UGGT2: variants seen among roughly 807,000 people sequenced by gnomAD.
UGGT2 encodes the protein UDP-glucose glycoprotein glucosyltransferase 2, also known as UDP-glucose:glycoprotein glucosyltransferase 2.
A neutral mutation model predicts 192.1 loss-of-function variants in UGGT2; 180 were observed. The observed-to-expected ratio is 0.94, with a 90% confidence interval of 0.83 to 1.06. UGGT2 has a LOEUF of 1.06. Among genes scored for constraint, UGGT2 ranks in the 50% least tolerant of loss-of-function variants. The pLI is 0.00. For missense variants in UGGT2, 1,849 were observed against 1,795.7 expected, an observed-to-expected ratio of 1.03 and a Z score of -0.54; for synonymous variants, 580 against 591.0, an observed-to-expected ratio of 0.98 and a Z score of 0.27.
At chr13:96,033,680 T>C (rs1351661566) in intron 1 of UGGT2, among the ~76,000 whole-genome samples, 2 of 152,194 alleles carry the variant, frequency 1.3e-5, no homozygotes, top group African/African-American at 4.8e-5. Flanking sequence ...CGGAGCAAAG[T>C]TGCACCTGAG....
chr13:95,846,285 C>A lies in UGGT2; in HGVS notation c.4284+7258G>T, dbSNP rs999555398. On this transcript the variant is annotated intron_variant, in intron 36 of 38. Coordinates refer to ENST00000376747, the MANE Select transcript of UGGT2 (RefSeq NM_020121.4). ...CAAAAAAATATGAAAACCAGTCAGG[C>A]GTGGCAGCGCGCGCCTGCAATCCCA... Among the ~76,000 whole-genome samples, 4 of 152,234 alleles carry A rather than the reference C, an allele frequency of 2.6e-5. No individual in the cohort carries two copies. The East Asian group carries it at 7.8e-4, about 30-fold the overall frequency.
chr13:95,985,360 C>A, intron 9 of UGGT2: 1 of 1,056,806 alleles, frequency 9.5e-7, no homozygotes, highest in Non-Finnish European at 1.3e-6. Context: ...AAACAAACTC[C>A]TTTATTTCAA....
Position 95,947,150 on chromosome 13 carries a change from T to A in UGGT2, c.1564A>T (p.Asn522Tyr), listed in dbSNP as rs745617497. 2 of 1,604,944 alleles carry A rather than the reference T, an allele frequency of 1.2e-6. No homozygotes were observed. Among genetic ancestry groups the A allele is most frequent in the African/African-American group, 2.7e-5 (2 of 74,472 alleles). ...PLRIGFVFILNTDDEVDGAND... is the reference protein window; with the variant it reads ...PLRIGFVFILYTDDEVDGAND... ...GCTCCATCAACTTCATCATCTGTAT[T>A]AAGAATGAACACAAAACCAATTCTG... The change falls in exon 15 of 39, where the codon AAT becomes TAT. Residue 522 changes from asparagine to tyrosine, a missense_variant. Physicochemically the swap from Asn to Tyr is moderately radical, Grantham distance 143. Coordinates refer to ENST00000376747, the MANE Select transcript of UGGT2 (RefSeq NM_020121.4).
At chr13:95,913,717 C>A (rs1196273511) in intron 20 of UGGT2, among the ~76,000 whole-genome samples, 2 of 152,032 alleles carry the variant, frequency 1.3e-5, no homozygotes, top group African/African-American at 2.4e-5. Flanking sequence ...AATATTTGAC[C>A]CAGCAATCCC....
At chr13:95,997,160 G>A (rs1396005130) in intron 6 of UGGT2, among the ~76,000 whole-genome samples, 1 of 151,940 alleles carries the variant, frequency 6.6e-6, no homozygotes, top group Non-Finnish European at 1.5e-5. Flanking sequence ...TCATTCATTG[G>A]GCAAACATTT....
chr13:95,969,186 G>A (rs1353500709), intron 12 of UGGT2, among the ~76,000 whole-genome samples: 1 of 152,168 alleles, frequency 6.6e-6, no homozygotes, highest in Admixed American at 6.5e-5. Flanking sequence ...GCTCAAGTAA[G>A]TGAGCTTCCC....
intron 1 of UGGT2, among the ~76,000 whole-genome samples, chr13:96,040,436 C>T (rs1336131666): frequency 6.6e-6 from 1 of 152,064 alleles, no homozygotes; most frequent in Non-Finnish European, 1.5e-5. Flanking sequence ...GGATTTGGGG[C>T]CCATCTAGAT....
intron 16 of UGGT2, among the ~76,000 whole-genome samples, chr13:95,937,674 G>C (rs1381209039): frequency 6.6e-6 from 1 of 152,178 alleles, no homozygotes; most frequent in Non-Finnish European, 1.5e-5. Flanking sequence ...CCCAGGAGAA[G>C]CACCTAATCA....
chr13:95,929,204 A>C (rs1275987145), intron 17 of UGGT2, among the ~76,000 whole-genome samples: 1 of 152,140 alleles, frequency 6.6e-6, no homozygotes, highest in Non-Finnish European at 1.5e-5. Context: ...GGGAGAATAC[A>C]TTTCCTTGTA....
intron 25 of UGGT2, among the ~76,000 whole-genome samples, chr13:95,890,575 G>A (rs908602727): frequency 6.6e-6 from 1 of 152,188 alleles, no homozygotes; most frequent in African/African-American, 2.4e-5. Flanking sequence ...TCTCCAGAGA[G>A]AGTCACATTG....
chr13:95,844,505 T>G (rs1446695212), intron 36 of UGGT2, among the ~76,000 whole-genome samples: 1 of 152,186 alleles, frequency 6.6e-6, no homozygotes, highest in Non-Finnish European at 1.5e-5. Context: ...AGTTTTGTAG[T>G]TTTCAATCTG....
At chr13:95,858,784 C>A (rs1366391064) in intron 33 of UGGT2, among the ~76,000 whole-genome samples, 1 of 152,080 alleles carries the variant, frequency 6.6e-6, no homozygotes, top group Non-Finnish European at 1.5e-5. Flanking sequence ...AAGCTAGTTA[C>A]GTAACTTTTG....
chr13:96,013,156 T>G, intron 5 of UGGT2, 151 bp downstream of exon 5: 1 of 749,878 alleles, frequency 1.3e-6, no homozygotes, highest in South Asian at 2.5e-5. Flanking sequence ...AATCCCAATA[T>G]ATTTTTCCAC....
chr13:95,819,776 G>C (rs554111184), intron 38 of UGGT2, among the ~76,000 whole-genome samples: 5 of 152,258 alleles, frequency 3.3e-5, no homozygotes, highest in African/African-American at 1.2e-4. Context: ...ACAACTCTTA[G>C]GTCAAAGGGG....
intron 15 of UGGT2, among the ~76,000 whole-genome samples, chr13:95,943,186 T>C (rs2049749870): frequency 6.6e-6 from 1 of 152,162 alleles, no homozygotes; most frequent in African/African-American, 2.4e-5. Flanking sequence ...TGAGTCTTCA[T>C]TCTTCCATAT....
intron 1 of UGGT2, among the ~76,000 whole-genome samples, chr13:96,044,448 T>C (rs1159237768): frequency 1.3e-5 from 2 of 151,922 alleles, no homozygotes; most frequent in Non-Finnish European, 2.9e-5. Flanking sequence ...CTCAAGGAAC[T>C]AAAGAAACAG....
At chr13:96,026,631 G>A (rs2052672366) in intron 2 of UGGT2, among the ~76,000 whole-genome samples, 1 of 148,998 alleles carries the variant, frequency 6.7e-6, no homozygotes. Context: ...GTTGACATAT[G>A]AGAATAAGCA....
chr13:95,929,183 G>A lies in UGGT2; in HGVS notation c.1978-1847C>T, dbSNP rs2140456177. On this transcript the variant is annotated intron_variant, in intron 17 of 38. Transcript: ENST00000376747. ...CGGCTTGGCATCAGAGGGAGATGAG[G>A]GAGAGGGGGAGGGAGAATACATTTC... Among the ~76,000 whole-genome samples the A allele has an allele frequency of 2.0e-5, 3 of 152,288 alleles. 1 individual carries two copies. The South Asian group carries it at 6.2e-4, about 32-fold the overall frequency.
intron 20 of UGGT2, among the ~76,000 whole-genome samples, chr13:95,916,763 G>A (rs904659236): frequency 6.6e-6 from 1 of 152,004 alleles, no homozygotes; most frequent in Non-Finnish European, 1.5e-5. Context: ...GCAACCACAA[G>A]TATCAATAAC....
Sources: allele counts gnomAD v4.1 joint callset (sites outside exome capture counted in the v4.1 genomes callset), GRCh38; gene constraint gnomAD v4.1.1; transcripts MANE v1.5; gene names NCBI Gene and HGNC (gene_info 2026-07-23, HGNC 2026-07-21).